ATRNL1: variants seen among roughly 807,000 people sequenced by gnomAD.
ATRNL1 encodes attractin-like protein 1.
In ATRNL1, 95 loss-of-function variants were observed where a neutral mutation model predicts 182.7. The observed-to-expected ratio is 0.52, with a 90% CI of 0.44 to 0.62. ATRNL1 has a LOEUF of 0.62. Among genes scored for constraint, ATRNL1 ranks in the 20% least tolerant of loss-of-function variants. ATRNL1 has a pLI of 0.00. For missense variants in ATRNL1, 1,471 were observed against 1,679.5 expected (o/e 0.88, Z 2.17); for synonymous variants, 576 against 568.3 (o/e 1.01, Z -0.19).
chr10:115,160,161 G>A lies in ATRNL1; in HGVS notation c.951G>A (p.Met317Ile). 6.2e-7 allele frequency: 1 copy of A among 1,612,624 alleles called. No individual in the cohort carries two copies. The highest frequency in any genetic ancestry group is 1.1e-5 in the South Asian group (1 of 90,996). ...AAGCAGTTTTACACGGGAAATTTAT[G>A]TGGGTGATTGGTGGATATACTTTTA... ...SHKAVLHGKF[M>I]WVIGGYTFNY... The change falls in exon 6 of 29, where the codon ATG becomes ATA. Residue 317 changes from methionine (M) to isoleucine (I), a missense_variant. Met to Ile is a conservative substitution (Grantham distance 10). Transcript: ENST00000355044.
intron 17 of ATRNL1, among the ~76,000 whole-genome samples, chr10:115,307,273 G>GT (rs1414439295): frequency 6.6e-6 from 1 of 151,814 alleles, no homozygotes; most frequent in Non-Finnish European, 1.5e-5. Context: ...GTTGGTTTTT[G>GT]TTTTTTTGAG....
At chr10:115,201,823 G>A (rs1848592610) in intron 8 of ATRNL1, among the ~76,000 whole-genome samples, 1 of 152,172 alleles carries the variant, frequency 6.6e-6, no homozygotes, top group African/African-American at 2.4e-5. Context: ...ACCTTGGGCA[G>A]TATGGCCATT....
chr10:115,581,411 A>T (rs1855066751), intron 26 of ATRNL1, among the ~76,000 whole-genome samples: 1 of 152,086 alleles, frequency 6.6e-6, no homozygotes, highest in Non-Finnish European at 1.5e-5. Context: ...AATCTGCACT[A>T]AGCCAGGAAG....
intron 28 of ATRNL1, among the ~76,000 whole-genome samples, chr10:115,894,373 T>C (rs1952155052): frequency 6.6e-6 from 1 of 152,218 alleles, no homozygotes; most frequent in Admixed American, 6.5e-5. Context: ...AATGTTTTAC[T>C]CTCACCTTTA....
chr10:115,388,652 A>G (rs1554953309), intron 19 of ATRNL1, among the ~76,000 whole-genome samples: 1 of 151,928 alleles, frequency 6.6e-6, no homozygotes, highest in African/African-American at 2.4e-5. Flanking sequence ...TATGTTATAT[A>G]TACACATTAT....
At chr10:115,679,511 C>A (rs1486402744) in intron 26 of ATRNL1, among the ~76,000 whole-genome samples, 2 of 152,106 alleles carry the variant, frequency 1.3e-5, no homozygotes, top group East Asian at 3.9e-4. Context: ...ACTCTCTAGA[C>A]TCAGTGAGAG....
intron 26 of ATRNL1, among the ~76,000 whole-genome samples, chr10:115,710,692 A>G (rs1555054269): frequency 6.6e-6 from 1 of 152,134 alleles, no homozygotes; most frequent in East Asian, 1.9e-4. Context: ...AGGAAAAGAG[A>G]ATAGAGAAGT....
chr10:115,748,349 C>CT (rs58203488), intron 27 of ATRNL1, among the ~76,000 whole-genome samples: 4,493 of 130,056 alleles, frequency 0.035, 132 homozygotes, highest in African/African-American at 0.075. Context: ...TCAGCTGCAT[C>CT]TTTTTTTTTT....
chr10:115,347,162 A>G (rs1856013887), intron 19 of ATRNL1, among the ~76,000 whole-genome samples: 4 of 152,180 alleles, frequency 2.6e-5, no homozygotes, highest in African/African-American at 7.2e-5. Flanking sequence ...CTGACGTGAT[A>G]CATTTGACAA....
At chr10:115,230,449 C>T (rs1849877792) in intron 9 of ATRNL1, among the ~76,000 whole-genome samples, 1 of 152,128 alleles carries the variant, frequency 6.6e-6, no homozygotes, top group Non-Finnish European at 1.5e-5. Context: ...GAGATGGGAA[C>T]ATCCTTGTCA....
intron 26 of ATRNL1, among the ~76,000 whole-genome samples, chr10:115,571,203 CCA>C (rs1473248066): frequency 1.3e-5 from 2 of 152,252 alleles, no homozygotes; most frequent in Admixed American, 6.5e-5. Context: ...CCTATAATTT[CCA>C]CAGTGTCACC....
intron 25 of ATRNL1, among the ~76,000 whole-genome samples, chr10:115,521,359 G>A (rs1172855341): frequency 6.6e-6 from 1 of 152,034 alleles, no homozygotes; most frequent in Non-Finnish European, 1.5e-5. Flanking sequence ...CACCACATTG[G>A]CCAGGGTGGT....
At chr10:115,940,076 A>G (rs897280415) in intron 28 of ATRNL1, among the ~76,000 whole-genome samples, 10 of 152,232 alleles carry the variant, frequency 6.6e-5, no homozygotes, top group African/African-American at 2.2e-4. Context: ...CAAGGGAGTC[A>G]GCCACTTTCA....
chr10:115,399,907 A>C (rs2134298674), intron 20 of ATRNL1, among the ~76,000 whole-genome samples: 1 of 152,224 alleles, frequency 6.6e-6, no homozygotes, highest in South Asian at 2.1e-4. Flanking sequence ...AGGCACCGAA[A>C]GCAATTGTAA....
chr10:115,416,742 T>C (rs1422677951), intron 20 of ATRNL1, among the ~76,000 whole-genome samples: 3 of 152,250 alleles, frequency 2.0e-5, no homozygotes, highest in Non-Finnish European at 4.4e-5. Context: ...AAATATATTA[T>C]AGTAATTTTC....
At position 115,171,270 on chromosome 10, in the gene ATRNL1, C is replaced by T; in HGVS notation, c.1326C>T (p.Ser442=). The T allele has an allele frequency of 6.2e-7, 1 of 1,602,434 alleles. No homozygotes were observed. The highest frequency in any genetic ancestry group is 8.5e-7 in the Non-Finnish European group (1 of 1,171,986). The change falls in exon 8 of 29, where the codon AGC becomes AGT. Residue 442 remains serine (S), a synonymous_variant. Coordinates refer to ENST00000355044, the MANE Select transcript of ATRNL1 (RefSeq NM_207303.4). ...ATTCTGCAATATATGGTTATACAAG[C>T]AGCATACAGGAATACCATATCTGTG... is the stretch of plus-strand genomic sequence containing the variant. The part of the protein sequence containing the change: ...FGYSAIYGYT[S]SIQEYHISSN...
chr10:115,638,381 C>T (rs191237200), intron 26 of ATRNL1, among the ~76,000 whole-genome samples: 87 of 150,480 alleles, frequency 5.8e-4, no homozygotes, highest in African/African-American at 2.0e-3. Context: ...AATGTATCCC[C>T]GTCATTGAGT....
chr10:115,757,044 A>G (rs965903116), intron 27 of ATRNL1, among the ~76,000 whole-genome samples: 1 of 151,972 alleles, frequency 6.6e-6, no homozygotes, highest in Non-Finnish European at 1.5e-5. Flanking sequence ...TTTTGAGCCT[A>G]TGTGTGTCCC....
intron 27 of ATRNL1, among the ~76,000 whole-genome samples, chr10:115,844,430 A>G (rs1950882572): frequency 6.6e-6 from 1 of 152,044 alleles, no homozygotes; most frequent in Admixed American, 6.6e-5. Context: ...GCTCAAATGA[A>G]CACCTCATTT....
Sources: allele counts gnomAD v4.1 joint callset (sites outside exome capture counted in the v4.1 genomes callset), GRCh38; gene constraint gnomAD v4.1.1; transcripts MANE v1.5; gene names NCBI Gene and HGNC (gene_info 2026-07-23, HGNC 2026-07-21).